Variants in PRKCA observed in about 807,000 individuals in gnomAD.
PRKCA encodes the protein protein kinase C alpha.
PRKCA carries 27 observed loss-of-function variants against 87.0 expected under a neutral mutation model. The observed-to-expected ratio is 0.31, with a 90% CI of 0.23 to 0.43. The LOEUF (loss-of-function observed/expected upper bound fraction) is 0.43. Among genes scored for constraint, PRKCA ranks in the 20% least tolerant of loss-of-function variants. The pLI is 1.00. For synonymous variants in PRKCA, 329 were observed against 311.1 expected (o/e 1.06, Z -0.61); for missense variants, 518 against 852.3 (o/e 0.61, Z 4.88).
At chr17:66,609,547 A>C (rs1302620364) in intron 3 of PRKCA, among the ~76,000 whole-genome samples, 4 of 152,210 alleles carry the variant, frequency 2.6e-5, no homozygotes, top group Non-Finnish European at 4.4e-5. Flanking sequence ...TGTATAGATA[A>C]GTTGCCTGTC....
At chr17:66,472,773 A>G (rs1321566868) in intron 2 of PRKCA, among the ~76,000 whole-genome samples, 1 of 152,214 alleles carries the variant, frequency 6.6e-6, no homozygotes, top group African/African-American at 2.4e-5. Context: ...ATAAAGTAGC[A>G]GGAGAATCTC....
At chr17:66,324,193 C>T (rs1905840775) in intron 2 of PRKCA, among the ~76,000 whole-genome samples, 1 of 152,088 alleles carries the variant, frequency 6.6e-6, no homozygotes, top group Non-Finnish European at 1.5e-5. Context: ...TTCACATAAA[C>T]ATTGATATGG....
chr17:66,455,838 G>T (rs1914553750), intron 2 of PRKCA, among the ~76,000 whole-genome samples: 1 of 152,118 alleles, frequency 6.6e-6, no homozygotes, highest in Admixed American at 6.5e-5. Context: ...TCATTTATTT[G>T]CTCTCTCTTT....
intron 13 of PRKCA, among the ~76,000 whole-genome samples, chr17:66,749,538 AT>A (rs1323522871): frequency 3.3e-5 from 5 of 152,118 alleles, no homozygotes; most frequent in Non-Finnish European, 7.4e-5. Context: ...CATGGCACTC[AT>A]CCCCCTTGGA....
chr17:66,311,252 C>T (rs976496356), intron 2 of PRKCA, among the ~76,000 whole-genome samples: 2 of 152,154 alleles, frequency 1.3e-5, no homozygotes, highest in African/African-American at 4.8e-5. Context: ...AGCATTATCT[C>T]AGTCTCAAAG....
intron 16 of PRKCA, among the ~76,000 whole-genome samples, chr17:66,799,885 C>A (rs1975861286): frequency 1.3e-5 from 2 of 151,958 alleles, no homozygotes; most frequent in African/African-American, 2.4e-5. Flanking sequence ...CAGGCCGAAT[C>A]TGGAGTAGAA....
chr17:66,692,153 G>T (rs1972801327), intron 8 of PRKCA, among the ~76,000 whole-genome samples: 1 of 152,212 alleles, frequency 6.6e-6, no homozygotes, highest in Admixed American at 6.5e-5. Flanking sequence ...CAGCAGAGTT[G>T]CATGGGGTGG....
At chr17:66,471,725 A>G (rs1173985135) in intron 2 of PRKCA, among the ~76,000 whole-genome samples, 1 of 151,726 alleles carries the variant, frequency 6.6e-6, no homozygotes, top group Non-Finnish European at 1.5e-5. Flanking sequence ...AGAGTGAGAA[A>G]TGAATCTGAC....
chr17:66,306,994 TA>T (rs1904850450), intron 2 of PRKCA, among the ~76,000 whole-genome samples: 2 of 152,166 alleles, frequency 1.3e-5, no homozygotes, highest in Admixed American at 6.5e-5. Flanking sequence ...AATATTATCC[TA>T]ACACTGTTTA....
intron 13 of PRKCA, among the ~76,000 whole-genome samples, chr17:66,769,461 G>A (rs1427474146): frequency 6.6e-6 from 1 of 151,980 alleles, no homozygotes; most frequent in African/African-American, 2.4e-5. Flanking sequence ...AAGTACTTCA[G>A]TAGCTAGCTG....
intron 2 of PRKCA, among the ~76,000 whole-genome samples, chr17:66,317,024 C>G (rs1489458486): frequency 1.3e-5 from 2 of 151,902 alleles, no homozygotes; most frequent in African/African-American, 2.4e-5. Context: ...CGCCTGTAGT[C>G]CCAGCTACTC....
At chr17:66,683,089 C>T (rs976122323) in intron 5 of PRKCA, among the ~76,000 whole-genome samples, 8 of 152,186 alleles carry the variant, frequency 5.3e-5, no homozygotes, top group African/African-American at 1.7e-4. Flanking sequence ...AACACACTAG[C>T]GCTTGTTAAT....
chr17:66,754,086 G>A (rs917820952), intron 13 of PRKCA, among the ~76,000 whole-genome samples: 3 of 151,914 alleles, frequency 2.0e-5, no homozygotes, highest in South Asian at 2.1e-4. Context: ...TTCTTGTCCC[G>A]GCTCCCTCAC....
At chr17:66,310,701 T>C (rs887532223) in intron 2 of PRKCA, among the ~76,000 whole-genome samples, 3 of 152,172 alleles carry the variant, frequency 2.0e-5, no homozygotes, top group Non-Finnish European at 4.4e-5. Flanking sequence ...TCCTCTTGGC[T>C]GTGTGAGCTG....
intron 2 of PRKCA, among the ~76,000 whole-genome samples, chr17:66,371,585 G>C (rs537210386): frequency 1.3e-4 from 20 of 152,170 alleles, no homozygotes; most frequent in Non-Finnish European, 2.5e-4. Context: ...TGTAACATGG[G>C]GATAATAACA....
intron 2 of PRKCA, among the ~76,000 whole-genome samples, chr17:66,352,069 A>G (rs1295951139): frequency 9.9e-5 from 15 of 152,146 alleles, no homozygotes; most frequent in East Asian, 1.9e-4. Context: ...GGTTGGCCCA[A>G]TGTGGTCAGC....
At chr17:66,491,643 C>T (rs1916250683) in intron 2 of PRKCA, among the ~76,000 whole-genome samples, 1 of 152,190 alleles carries the variant, frequency 6.6e-6, no homozygotes, top group Non-Finnish European at 1.5e-5. Flanking sequence ...AACAATAGCT[C>T]CTGATTTTTA....
intron 3 of PRKCA, among the ~76,000 whole-genome samples, chr17:66,590,017 T>A (rs1162055429): frequency 1.3e-5 from 2 of 152,124 alleles, no homozygotes; most frequent in Non-Finnish European, 2.9e-5. Context: ...CAGGCGGTAA[T>A]GCTTGCTTGC....
chr17:66,606,918 A>G (rs1310452512), intron 3 of PRKCA, among the ~76,000 whole-genome samples: 1 of 152,200 alleles, frequency 6.6e-6, no homozygotes, highest in Non-Finnish European at 1.5e-5. Flanking sequence ...AGTTATATGT[A>G]CTGTAAGTAT....
Sources: allele counts gnomAD v4.1 joint callset (sites outside exome capture counted in the v4.1 genomes callset), GRCh38; gene constraint gnomAD v4.1.1; transcripts MANE v1.5; gene names NCBI Gene and HGNC (gene_info 2026-07-23, HGNC 2026-07-21).